ADAM8: variants seen among roughly 807,000 people sequenced by gnomAD.
The protein encoded by ADAM8 is ADAM metallopeptidase domain 8, also known as disintegrin and metalloproteinase domain-containing protein 8.
A neutral mutation model predicts 102.4 loss-of-function variants in ADAM8; 104 were observed. The observed-to-expected ratio is 1.02, with a 90% CI of 0.87 to 1.20. The LOEUF (loss-of-function observed/expected upper bound fraction) is 1.20. ADAM8 is among the 50% of genes most tolerant of loss of function. ADAM8 has a pLI of 0.00. For synonymous variants in ADAM8, 517 were observed against 485.2 expected (o/e 1.07, Z -0.86); for missense variants, 1,132 against 1,159.0 (o/e 0.98, Z 0.34).
Position 133,274,239 on chromosome 10 carries a change from A to G in ADAM8, c.151-4T>C. ...TCACCCTCTCTGGGTGCAGGCCCTG[A>G]GCGAGGAGGGAAGGGTCCCAGGTGA... On this transcript the variant is annotated splice_region_variant and splice_polypyrimidine_tract_variant and intron_variant, in intron 2 of 22. Coordinates refer to ENST00000445355, the MANE Select transcript of ADAM8 (RefSeq NM_001109.5). 1 of 1,546,854 alleles carries G rather than the reference A, an allele frequency of 6.5e-7. No individual in the cohort carries two copies. The highest frequency in any genetic ancestry group is 8.7e-7 in the Non-Finnish European group (1 of 1,147,994).
intron 19 of ADAM8, 73 bp downstream of exon 19, chr10:133,268,675 G>A: frequency 1.3e-6 from 2 of 1,487,584 alleles, no homozygotes. Context: ...GGCCCGTGCT[G>A]GGCACTCCTT....
Position 133,271,575 on chromosome 10 carries a change from T to C in ADAM8, c.1237A>G (p.Asn413Asp). Residue 413 changes from asparagine to aspartate, a missense_variant, in exon 12 of 23, where the codon AAC becomes GAC. Asn to Asp is a conservative substitution (Grantham distance 23, BLOSUM62 1). Transcript: ENST00000445355. Reference sequence around the variant, plus strand: ...TGCTCCCCACGCTCCACAAACAGGTTCCCACACACGGGGCCGCCCACCAGG... The same window carrying C: ...TGCTCCCCACGCTCCACAAACAGGTCCCCACACACGGGGCCGCCCACCAGG... ...SHLVGGPVCGNLFVERGEQCD... is the reference protein window; with the variant it reads ...SHLVGGPVCGDLFVERGEQCD... 1 of 1,559,602 alleles carries C rather than the reference T, an allele frequency of 6.4e-7. No individual in the cohort carries two copies. Among genetic ancestry groups the C allele is most frequent in the South Asian group, 1.2e-5 (1 of 84,842 alleles).
At chr10:133,268,644 G>T in intron 19 of ADAM8, 104 bp downstream of exon 19, 1 of 1,274,338 alleles carries the variant, frequency 7.8e-7, no homozygotes, top group Non-Finnish European at 1.1e-6. Flanking sequence ...AGGAGCCTGG[G>T]TGTCCGTGCC....
chr10:133,266,964 C>T (rs1475225115), intron 21 of ADAM8, among the ~76,000 whole-genome samples: 1 of 145,894 alleles, frequency 6.9e-6, no homozygotes, highest in African/African-American at 2.8e-5. Flanking sequence ...ACCCCCAAAG[C>T]CCCCAAACCC....
intron 22 of ADAM8, 103 bp downstream of exon 22, chr10:133,263,585 G>T: frequency 1.2e-5 from 1 of 82,512 alleles, no homozygotes; most frequent in East Asian, 3.9e-4. Flanking sequence ...CAGATAATCA[G>T]AAAAAAACCC....
At chr10:133,274,751 C>T (rs748656307) in intron 2 of ADAM8, 7 of 326,332 alleles carry the variant, frequency 2.1e-5, no homozygotes, top group Middle Eastern at 2.1e-3. Flanking sequence ...CCTCCAGCGA[C>T]AGCTGCCTGC....
chr10:133,263,962 C>G, intron 21 of ADAM8, 197 bp from the exon 22 acceptor site: 1 of 463,088 alleles, frequency 2.2e-6, no homozygotes, highest in South Asian at 3.9e-5. Flanking sequence ...TAAAGCCCAT[C>G]AGTGGCAGAA....
At chr10:133,276,615 C>T (rs1454089105) in intron 1 of ADAM8, among the ~76,000 whole-genome samples, 157 bp downstream of exon 1, 2 of 152,248 alleles carry the variant, frequency 1.3e-5, no homozygotes, top group Non-Finnish European at 2.9e-5. Context: ...ACCCAGAGAC[C>T]ACTGTGCACC....
chr10:133,275,235 C>G (rs552348817), intron 2 of ADAM8, among the ~76,000 whole-genome samples: 5 of 152,260 alleles, frequency 3.3e-5, no homozygotes, highest in African/African-American at 1.2e-4. Flanking sequence ...TGGGGAGGGG[C>G]CCGGGGCCAG....
rs1564923756 is a variant in ADAM8, at chr10:133,271,209, C to T, written c.1365G>A (p.Gln455=). The T allele has an allele frequency of 3.7e-6, 6 of 1,611,384 alleles. No homozygotes were observed. The highest frequency in any genetic ancestry group is 1.3e-5 in the African/African-American group (1 of 74,918). Residue 455 remains glutamine, a synonymous_variant, in exon 13 of 23, where the codon CAG becomes CAA. Coordinates refer to ENST00000445355, the MANE Select transcript of ADAM8 (RefSeq NM_001109.5). ...GAQCAHGTCC[Q]ECKVKPAGEL... is the part of the protein sequence containing the mutation. ...GGGAGGCTGCACTCACCTTGCACTC[C>T]TGGCAGCAGGTACCGTGCGCACACT...
At chr10:133,263,597 A>T in intron 22 of ADAM8, 91 bp downstream of exon 22, 1 of 54,658 alleles carries the variant, frequency 1.8e-5, no homozygotes, top group Non-Finnish European at 2.9e-5. Flanking sequence ...AAAAAACCCC[A>T]CCCTCCAGGG....
chr10:133,269,713 G>T (rs767112363), intron 17 of ADAM8, among the ~76,000 whole-genome samples, 184 bp from the exon 18 acceptor site: 2 of 152,198 alleles, frequency 1.3e-5, no homozygotes, highest in Non-Finnish European at 2.9e-5. Flanking sequence ...GACCATGCAG[G>T]TTCCATCCAC....
intron 21 of ADAM8, among the ~76,000 whole-genome samples, chr10:133,266,291 G>A (rs952084117): frequency 5.9e-5 from 9 of 152,158 alleles, no homozygotes; most frequent in African/African-American, 1.4e-4. Flanking sequence ...CATTGGTGAC[G>A]TGGAGCCTCG....
chr10:133,272,329 C>CCCACCCTGCTCTCCCTT, intron 9 of ADAM8, 55 bp from the exon 10 acceptor site: 1 of 1,353,284 alleles, frequency 7.4e-7, no homozygotes, highest in South Asian at 1.4e-5. Flanking sequence ...CCACTTCCCT[C>CCCACCCTGCTCTCCCTT]CCACCCCAGC....
chr10:133,263,687 C>A lies in ADAM8; in HGVS notation c.2397+1G>T. On this transcript the variant is annotated splice_donor_variant, in intron 22 of 22. Transcript: ENST00000445355. LOFTEE classifies it high-confidence loss of function. Reference sequence around the variant, plus strand: ...CTGCCTGGTGTGTGCTGGGGCCTCACCTCAGCTGGACCAGGGTTGGCCGCA... The same window carrying A: ...CTGCCTGGTGTGTGCTGGGGCCTCAACTCAGCTGGACCAGGGTTGGCCGCA... 2 of 1,360,656 alleles carry A rather than the reference C, an allele frequency of 1.5e-6. No homozygotes were observed. The highest frequency in any genetic ancestry group is 1.9e-6 in the Non-Finnish European group (2 of 1,045,220). The allele number at this position is 1,360,656 out of a possible 1,614,324, so 84.3% of individuals were successfully genotyped here.
Position 133,271,808 on chromosome 10 carries a change from A to C in ADAM8, c.1104T>G (p.Ile368Met). ...EAGRCIMAGS[I>M]GSSFPRMFSD... ...TCTGCAGGGCCTGGCCGCCTCACCC[A>C]ATGCTGCCCGCCATGATGCAGCGGC... The change falls in exon 11 of 23, where the codon ATT (isoleucine) becomes ATG (methionine). Residue 368 changes from isoleucine to methionine, a missense_variant and splice_region_variant. Ile to Met is a conservative substitution (Grantham distance 10). Transcript: ENST00000445355. The C allele has an allele frequency of 6.2e-7, 1 of 1,605,594 alleles. No individual in the cohort carries two copies. Among genetic ancestry groups the C allele is most frequent in the Non-Finnish European group, 8.5e-7 (1 of 1,176,904 alleles).
chr10:133,267,322 A>C (rs2860375), intron 21 of ADAM8, 30 bp downstream of exon 21: 98,633 of 1,592,448 alleles, frequency 0.062, 9,081 homozygotes, highest in African/African-American at 0.44. Context: ...CACCCTCAGA[A>C]GGCTTGGCCG....
chr10:133,271,148 C>T, intron 13 of ADAM8, 52 bp downstream of exon 13: 1 of 1,595,354 alleles, frequency 6.3e-7, no homozygotes, highest in Non-Finnish European at 8.6e-7. Context: ...AGGGTCCCTT[C>T]CCACCTGCCA....
intron 21 of ADAM8, among the ~76,000 whole-genome samples, chr10:133,267,027 G>T (rs1283330411): frequency 6.6e-6 from 1 of 152,010 alleles, no homozygotes; most frequent in African/African-American, 2.4e-5. Flanking sequence ...CATCTGTCCT[G>T]CAGGGCCCCA....
Sources: allele counts gnomAD v4.1 joint callset (sites outside exome capture counted in the v4.1 genomes callset), GRCh38; gene constraint gnomAD v4.1.1; transcripts MANE v1.5; gene names NCBI Gene and HGNC (gene_info 2026-07-23, HGNC 2026-07-21).